The following CCDC7 variants were observed in gnomAD, a reference collection of about 807,000 sequenced individuals.
CCDC7 encodes coiled-coil domain-containing protein 7.
CCDC7 carries 183 observed loss-of-function variants against 196.9 expected under a neutral mutation model. The observed-to-expected ratio is 0.93, with a 90% CI of 0.82 to 1.05. The LOEUF (loss-of-function observed/expected upper bound fraction) is 1.05. Among genes scored for constraint, CCDC7 ranks in the 50% least tolerant of loss-of-function variants. CCDC7 has a pLI of 0.00. For missense variants in CCDC7, 1,540 were observed against 1,482.2 expected (o/e 1.04, Z -0.64); for synonymous variants, 525 against 484.6 (o/e 1.08, Z -1.10).
intron 24 of CCDC7, among the ~76,000 whole-genome samples, chr10:32,699,057 C>T (rs1484842908): frequency 6.6e-6 from 1 of 151,330 alleles, no homozygotes; most frequent in Admixed American, 6.6e-5. Context: ...ATTAAACATT[C>T]TTTTTTTTTA....
At chr10:32,665,283 GTTTGCTTTGCTGTGCAGAGC>G (rs144098878) in intron 21 of CCDC7, among the ~76,000 whole-genome samples, 21,608 of 151,882 alleles carry the variant, frequency 0.14, 1,884 homozygotes, top group African/African-American at 0.25. Flanking sequence ...ACTGTTGATT[GTTTGCTTTGCTGTGCAGAGC>G]TTTTTAGTTT....
chr10:32,729,313 T>C lies in CCDC7; in HGVS notation c.2780-19T>C. 1.9e-6 allele frequency: 3 copies of C among 1,542,184 alleles called. No homozygotes were observed. Among genetic ancestry groups the C allele is most frequent in the Non-Finnish European group, 2.6e-6 (3 of 1,144,518 alleles). ...GCATATCCAGAAGTTCTATTGCACATCTATTTTTTTCTATTTAGCGTTTCC... is the reference window on the plus strand; with the variant it reads ...GCATATCCAGAAGTTCTATTGCACACCTATTTTTTTCTATTTAGCGTTTCC... On this transcript the variant is annotated intron_variant, in intron 27 of 41. Transcript: ENST00000639629.
At position 32,833,359 on chromosome 10, in the gene CCDC7, A is replaced by ATTTTT. The variant is rs776856065; in HGVS notation, c.3269-1456_3269-1455insTTTTT. On this transcript the variant is annotated intron_variant, in intron 32 of 41. Coordinates refer to ENST00000639629, the Ensembl canonical transcript of CCDC7. The stretch of plus-strand genomic sequence containing the variant: ...TGATATATTACCCTTTTTTTAAAAA[A>ATTTTT]AAAAAAAAGAAAGCTCAATAAAATC... Among the ~76,000 whole-genome samples, 602 of 91,724 alleles carry ATTTTT rather than the reference A, an allele frequency of 6.6e-3. 3 individuals are homozygous for ATTTTT. In the East Asian group the frequency reaches 0.075, roughly 11 times the overall value. The allele number at this position is 91,724 out of a possible 152,430, so 60.2% of individuals were successfully genotyped here.
intron 28 of CCDC7, among the ~76,000 whole-genome samples, chr10:32,778,683 A>T (rs1425126459): frequency 6.6e-6 from 1 of 152,168 alleles, no homozygotes; most frequent in East Asian, 1.9e-4. Flanking sequence ...GATTAATATG[A>T]ATTTTAGAAT....
chr10:32,673,654 CGTGTGTGT>C (rs71027102), intron 21 of CCDC7, among the ~76,000 whole-genome samples: 2 of 147,946 alleles, frequency 1.4e-5, no homozygotes, highest in Non-Finnish European at 3.0e-5. Flanking sequence ...CCATTGTGCA[CGTGTGTGT>C]GTGTGTGTGT....
rs568447249 is a variant in CCDC7 at position 32,482,452 on chromosome 10, ACTTAT to A, written c.796+8433_796+8437del. 4.8e-3 allele frequency among the ~76,000 whole-genome samples: 731 copies of A among 151,372 alleles called. 2 individuals carry two copies. Among genetic ancestry groups the A allele is most frequent in the Non-Finnish European group, 7.7e-3 (520 of 67,858 alleles). ...GAATTATACAGTGGACATATTTTTT[ACTTAT>A]CTTTTCTAATTTTAATTTTATTATA... On this transcript the variant is annotated intron_variant, in intron 8 of 41. Transcript: ENST00000639629.
chr10:32,552,016 A>G (rs2053564112), intron 13 of CCDC7, among the ~76,000 whole-genome samples: 1 of 152,088 alleles, frequency 6.6e-6, no homozygotes, highest in Non-Finnish European at 1.5e-5. Flanking sequence ...CTCCACTATT[A>G]CTGTGTTGCT....
At chr10:32,627,312 T>A (rs745587616) in intron 18 of CCDC7, among the ~76,000 whole-genome samples, 1 of 152,050 alleles carries the variant, frequency 6.6e-6, no homozygotes, top group Non-Finnish European at 1.5e-5. Context: ...GTTCTCTTCA[T>A]TTCTGTTTTG....
At chr10:32,675,500 T>G (rs923835926) in intron 21 of CCDC7, among the ~76,000 whole-genome samples, 3 of 152,176 alleles carry the variant, frequency 2.0e-5, no homozygotes, top group Non-Finnish European at 4.4e-5. Flanking sequence ...TAGTTATCCT[T>G]AATACTTTTG....
chr10:32,463,118 G>A, intron 5 of CCDC7, 69 bp downstream of exon 6: 1 of 1,580,384 alleles, frequency 6.3e-7, no homozygotes, highest in Middle Eastern at 1.8e-4. Context: ...TTTGGATTAT[G>A]TATAAGTTAA....
Position 32,480,315 on chromosome 10 carries a change from A to G in CCDC7, c.796+6292A>G, listed in dbSNP as rs560611387. ...GCTCTTTTGTCTTTTTTTAATGTAT[A>G]CTTTATTTATTTACTTATTTATTTA... On this transcript the variant is annotated intron_variant, in intron 8 of 41. Coordinates refer to ENST00000639629, the Ensembl canonical transcript of CCDC7. Among the ~76,000 whole-genome samples, 3 of 150,728 alleles carry G rather than the reference A, an allele frequency of 2.0e-5. No homozygotes were observed. The East Asian group carries it at 5.8e-4, about 29-fold the overall frequency.
intron 20 of CCDC7, among the ~76,000 whole-genome samples, chr10:32,651,790 T>C (rs1188218668): frequency 6.6e-6 from 1 of 152,146 alleles, no homozygotes; most frequent in Non-Finnish European, 1.5e-5. Flanking sequence ...GGGGAGAATT[T>C]TATCTTAGGG....
intron 15 of CCDC7, among the ~76,000 whole-genome samples, chr10:32,569,017 A>G (rs1330461397): frequency 1.3e-5 from 2 of 152,234 alleles, no homozygotes; most frequent in African/African-American, 2.4e-5. Flanking sequence ...CATATATGAC[A>G]GAAAAAGTTA....
At chr10:32,542,712 C>G (rs1161620322) in intron 11 of CCDC7, among the ~76,000 whole-genome samples, 1 of 151,594 alleles carries the variant, frequency 6.6e-6, no homozygotes, top group Non-Finnish European at 1.5e-5. Flanking sequence ...GCCACACCAG[C>G]TCACATCTGG....
chr10:32,611,707 G>A (rs1183299012), intron 18 of CCDC7, among the ~76,000 whole-genome samples: 1 of 152,094 alleles, frequency 6.6e-6, no homozygotes, highest in Non-Finnish European at 1.5e-5. Flanking sequence ...TTTTTGTCAG[G>A]TTTGTCAAAG....
chr10:32,641,568 A>G, intron 20 of CCDC7, among the ~76,000 whole-genome samples: 1 of 152,128 alleles, frequency 6.6e-6, no homozygotes, highest in East Asian at 1.9e-4. Flanking sequence ...TGTTTTTCAA[A>G]GTTTTTAACT....
intron 28 of CCDC7, among the ~76,000 whole-genome samples, chr10:32,760,717 C>T (rs1466994189): frequency 6.6e-6 from 1 of 151,092 alleles, no homozygotes; most frequent in Non-Finnish European, 1.5e-5. Context: ...GCACGTTGTG[C>T]ACATGTACCC....
chr10:32,626,093 A>T (rs758133265), intron 18 of CCDC7, among the ~76,000 whole-genome samples: 1 of 152,048 alleles, frequency 6.6e-6, no homozygotes, highest in Non-Finnish European at 1.5e-5. Flanking sequence ...CAGAAATGCA[A>T]TTGCCAGATC....
chr10:32,619,538 A>C (rs1252130611), intron 18 of CCDC7, among the ~76,000 whole-genome samples: 1 of 152,216 alleles, frequency 6.6e-6, no homozygotes, highest in Non-Finnish European at 1.5e-5. Flanking sequence ...ACATACAGGC[A>C]TATATGTTAA....
Sources: gnomAD v4.1 joint callset for allele counts (sites outside exome capture counted in the v4.1 genomes callset) on GRCh38, gnomAD v4.1.1 for gene constraint, MANE v1.5 for transcripts, NCBI Gene and HGNC (gene_info 2026-07-23, HGNC 2026-07-21) for gene names.